The following XKR9 variants were observed in gnomAD, a reference collection of about 807,000 sequenced individuals.
XKR9 encodes XK-related protein 9.
A neutral mutation model predicts 32.0 loss-of-function variants in XKR9; 32 were observed. The ratio of observed to expected loss-of-function variants is 1.00; its 90% CI spans 0.76 to 1.34. XKR9 has a LOEUF of 1.34. Among genes scored for constraint, XKR9 ranks in the 40% most tolerant of loss-of-function variants. The pLI is 0.00. For synonymous variants in XKR9, 168 were observed against 143.4 expected (o/e 1.17, Z -1.22); for missense variants, 546 against 429.7 (o/e 1.27, Z -2.39).
At chr8:70,958,652 C>G in the XKR9 span, among the ~76,000 whole-genome samples, 1 of 152,170 alleles carries the variant, frequency 6.6e-6, no homozygotes, top group African/African-American at 2.4e-5. Flanking sequence ...GTTGTCTGTT[C>G]ACTCTAATGA....
At chr8:70,740,909 G>T (rs1563463404), downstream of XKR9, among the ~76,000 whole-genome samples, 3 of 152,222 alleles carry the variant, frequency 2.0e-5, no homozygotes, top group Non-Finnish European at 4.4e-5. Context: ...GCTGCTCGGG[G>T]TCAGGGGTCA....
the XKR9 span, among the ~76,000 whole-genome samples, chr8:70,895,856 G>T: frequency 6.6e-6 from 1 of 151,632 alleles, no homozygotes. Flanking sequence ...AAATTAGCCG[G>T]GTGTGATGGC....
chr8:70,846,237 T>C, the XKR9 span, among the ~76,000 whole-genome samples: 1 of 152,056 alleles, frequency 6.6e-6, no homozygotes, highest in Non-Finnish European at 1.5e-5. Context: ...AAAGAAAGTC[T>C]TTTCTAGACA....
At chr8:70,956,711 G>A in the XKR9 span, among the ~76,000 whole-genome samples, 1 of 152,182 alleles carries the variant, frequency 6.6e-6, no homozygotes, top group Admixed American at 6.5e-5. Context: ...GTAGGATGGG[G>A]GCTAGTGTGT....
the XKR9 span, among the ~76,000 whole-genome samples, chr8:70,918,604 A>G: frequency 6.6e-6 from 1 of 151,788 alleles, no homozygotes; most frequent in Non-Finnish European, 1.5e-5. Flanking sequence ...CTATAATAAA[A>G]CTAAAGGTTT....
At chr8:70,961,193 C>A in the XKR9 span, among the ~76,000 whole-genome samples, 5 of 151,956 alleles carry the variant, frequency 3.3e-5, no homozygotes, top group African/African-American at 1.2e-4. Flanking sequence ...GACAAAAAAA[C>A]AAAGAAAATA....
At chr8:70,906,310 A>G in the XKR9 span, among the ~76,000 whole-genome samples, 5 of 152,212 alleles carry the variant, frequency 3.3e-5, no homozygotes, top group African/African-American at 9.6e-5. Context: ...TAAATTTTTC[A>G]TATATGTCTT....
At chr8:70,720,525 T>C (rs570905129) in intron 4 of XKR9, among the ~76,000 whole-genome samples, 6 of 152,350 alleles carry the variant, frequency 3.9e-5, no homozygotes, top group African/African-American at 1.4e-4. Context: ...TTGAATTGTA[T>C]TGAAGGCCTT....
At chr8:70,978,571 C>T in the XKR9 span, among the ~76,000 whole-genome samples, 1 of 152,212 alleles carries the variant, frequency 6.6e-6, no homozygotes, top group African/African-American at 2.4e-5. Flanking sequence ...CCCCCACTCT[C>T]TTGTGGCTTG....
chr8:70,722,678 T>C (rs1806322149), intron 4 of XKR9, among the ~76,000 whole-genome samples: 1 of 152,222 alleles, frequency 6.6e-6, no homozygotes, highest in South Asian at 2.1e-4. Context: ...GTTAGTCTGA[T>C]GGGCTTCTCT....
At chr8:71,027,790 G>T in the XKR9 span, among the ~76,000 whole-genome samples, 2 of 129,732 alleles carry the variant, frequency 1.5e-5, no homozygotes, top group African/African-American at 2.8e-5. Flanking sequence ...GGGGGGGGGG[G>T]GTCTCACTCC....
At chr8:70,855,977 G>T in the XKR9 span, among the ~76,000 whole-genome samples, 1 of 152,128 alleles carries the variant, frequency 6.6e-6, no homozygotes, top group Non-Finnish European at 1.5e-5. Flanking sequence ...CCTGAAGGAA[G>T]CACTAAACAT....
chr8:71,032,014 G>A, the XKR9 span, among the ~76,000 whole-genome samples: 1 of 152,172 alleles, frequency 6.6e-6, no homozygotes, highest in South Asian at 2.1e-4. Context: ...ACACTGTGGG[G>A]CTGGGCACGG....
chr8:70,910,975 C>G, the XKR9 span, among the ~76,000 whole-genome samples: 3 of 152,230 alleles, frequency 2.0e-5, no homozygotes, highest in Non-Finnish European at 4.4e-5. Context: ...GGTCTGCTTA[C>G]TGACCTTCTC....
chr8:71,054,727 T>C, the XKR9 span, among the ~76,000 whole-genome samples: 2 of 152,234 alleles, frequency 1.3e-5, no homozygotes, highest in Non-Finnish European at 2.9e-5. Flanking sequence ...ATACTTAATA[T>C]ATGTTTTTTT....
At chr8:70,859,115 G>T in the XKR9 span, among the ~76,000 whole-genome samples, 1 of 152,072 alleles carries the variant, frequency 6.6e-6, no homozygotes, top group Admixed American at 6.6e-5. Context: ...GACAAGGGAT[G>T]AGTAACCAGA....
the XKR9 span, among the ~76,000 whole-genome samples, chr8:70,894,558 C>T: frequency 6.6e-6 from 1 of 152,160 alleles, no homozygotes; most frequent in Admixed American, 6.5e-5. Context: ...TGCTTCTGCT[C>T]AGGCCTTGTG....
the XKR9 span, among the ~76,000 whole-genome samples, chr8:70,932,865 G>A: frequency 6.6e-6 from 1 of 152,008 alleles, no homozygotes; most frequent in Non-Finnish European, 1.5e-5. Flanking sequence ...AGGGGGCTAG[G>A]ACTTCAACAT....
chr8:70,815,133 G>T, the XKR9 span, among the ~76,000 whole-genome samples: 1 of 151,848 alleles, frequency 6.6e-6, no homozygotes, highest in Non-Finnish European at 1.5e-5. Flanking sequence ...TGGATCAGAA[G>T]AATTTTTTTA....
Sources: gnomAD v4.1 joint callset for allele counts (sites outside exome capture counted in the v4.1 genomes callset) on GRCh38, gnomAD v4.1.1 for gene constraint, MANE v1.5 for transcripts, NCBI Gene and HGNC (gene_info 2026-07-23, HGNC 2026-07-21) for gene names.